The following CSMD1 variants were observed in gnomAD, a reference collection of about 807,000 sequenced individuals.
The protein encoded by CSMD1 is CUB and sushi domain-containing protein 1.
In CSMD1, 213 loss-of-function variants were observed where a neutral mutation model predicts 417.5. The ratio of observed to expected loss-of-function variants is 0.51; its 90% CI spans 0.46 to 0.57. The LOEUF (loss-of-function observed/expected upper bound fraction) is 0.57. CSMD1 is among the 20% of genes least tolerant of loss of function. CSMD1 has a pLI of 0.00. For synonymous variants in CSMD1, 2,862 were observed against 1,736.8 expected, an observed-to-expected ratio of 1.65 and a Z score of -16.11; for missense variants, 6,923 against 4,529.7, an observed-to-expected ratio of 1.53 and a Z score of -15.17.
At chr8:4,755,901 A>G (rs562624019) in intron 1 of CSMD1, among the ~76,000 whole-genome samples, 2 of 152,304 alleles carry the variant, frequency 1.3e-5, no homozygotes, top group Non-Finnish European at 2.9e-5. Context: ...CTCGGCCTTC[A>G]GTTTTTTCCT....
intron 2 of CSMD1, among the ~76,000 whole-genome samples, chr8:4,420,739 G>A (rs1268725633): frequency 6.6e-6 from 1 of 152,116 alleles, no homozygotes; most frequent in Non-Finnish European, 1.5e-5. Context: ...GAGCCGTCTA[G>A]AGGGCAAACC....
chr8:4,451,077 G>C (rs1799114514), intron 2 of CSMD1, among the ~76,000 whole-genome samples: 1 of 152,146 alleles, frequency 6.6e-6, no homozygotes, highest in Non-Finnish European at 1.5e-5. Flanking sequence ...AGTCAGTCAA[G>C]CACTTTGGGA....
chr8:4,663,655 T>C (rs1585413472), intron 1 of CSMD1, among the ~76,000 whole-genome samples: 2 of 152,084 alleles, frequency 1.3e-5, no homozygotes, highest in Non-Finnish European at 2.9e-5. Flanking sequence ...TGTTTTAAGT[T>C]CCCTGAGACC....
chr8:4,684,685 CA>C (rs1806260796), intron 1 of CSMD1, among the ~76,000 whole-genome samples: 1 of 152,140 alleles, frequency 6.6e-6, no homozygotes, highest in African/African-American at 2.4e-5. Flanking sequence ...TGTGAAACAT[CA>C]TACATACGCT....
intron 3 of CSMD1, among the ~76,000 whole-genome samples, chr8:4,118,273 T>G (rs561053748): frequency 6.6e-6 from 1 of 152,186 alleles, no homozygotes; most frequent in African/African-American, 2.4e-5. Context: ...CCTTAAGAAA[T>G]GCTCACATGT....
At chr8:4,038,507 T>C (rs748997567) in intron 3 of CSMD1, among the ~76,000 whole-genome samples, 2 of 152,184 alleles carry the variant, frequency 1.3e-5, no homozygotes, top group Non-Finnish European at 2.9e-5. Context: ...CAACCCAATG[T>C]CATTTCTGCC....
At chr8:3,047,833 T>G (rs1292737007) in intron 50 of CSMD1, among the ~76,000 whole-genome samples, 1 of 152,222 alleles carries the variant, frequency 6.6e-6, no homozygotes, top group East Asian at 1.9e-4. Context: ...GTGTGTCTAA[T>G]TCCTCAACCC....
intron 7 of CSMD1, among the ~76,000 whole-genome samples, chr8:3,655,476 G>T (rs1167928824): frequency 6.6e-6 from 1 of 152,068 alleles, no homozygotes; most frequent in East Asian, 1.9e-4. Flanking sequence ...ACAAACAATA[G>T]TATCAGAAAT....
intron 5 of CSMD1, among the ~76,000 whole-genome samples, chr8:3,892,933 C>A (rs1807083984): frequency 6.7e-6 from 1 of 149,600 alleles, no homozygotes; most frequent in Admixed American, 6.8e-5. Context: ...GTGAAATTAA[C>A]TTGAAGGAAG....
At chr8:4,657,816 G>C (rs550872806) in intron 1 of CSMD1, among the ~76,000 whole-genome samples, 1 of 150,958 alleles carries the variant, frequency 6.6e-6, no homozygotes, top group African/African-American at 2.4e-5. Flanking sequence ...AATAGCTAAA[G>C]GAAACCATAG....
chr8:4,433,200 A>G (rs1210798165), intron 2 of CSMD1, among the ~76,000 whole-genome samples: 1 of 152,152 alleles, frequency 6.6e-6, no homozygotes, highest in East Asian at 1.9e-4. Flanking sequence ...TTCGTTGTGT[A>G]TTACAATATA....
chr8:3,141,244 T>A (rs1362795252), intron 41 of CSMD1, among the ~76,000 whole-genome samples: 1 of 152,156 alleles, frequency 6.6e-6, no homozygotes, highest in East Asian at 1.9e-4. Context: ...CCCCTGTGCG[T>A]CTGTGAAACC....
At chr8:3,364,622 C>G in intron 20 of CSMD1, among the ~76,000 whole-genome samples, 1 of 152,040 alleles carries the variant, frequency 6.6e-6, no homozygotes, top group Non-Finnish European at 1.5e-5. Flanking sequence ...CATGAGGGAC[C>G]CACCCTCATT....
intron 3 of CSMD1, among the ~76,000 whole-genome samples, chr8:4,409,325 A>G (rs1796516869): frequency 6.6e-6 from 1 of 152,190 alleles, no homozygotes; most frequent in Non-Finnish European, 1.5e-5. Flanking sequence ...CTCTTAATCC[A>G]AATCTATGTC....
At chr8:4,030,222 G>T (rs180772757) in intron 4 of CSMD1, among the ~76,000 whole-genome samples, 3 of 152,096 alleles carry the variant, frequency 2.0e-5, no homozygotes, top group African/African-American at 7.2e-5. Context: ...CCCCAGTAGG[G>T]ACTCTGTGGG....
At chr8:3,665,902 G>A (rs1324208616) in intron 7 of CSMD1, among the ~76,000 whole-genome samples, 2 of 152,016 alleles carry the variant, frequency 1.3e-5, no homozygotes, top group East Asian at 1.9e-4. Context: ...TTTTGAGATG[G>A]AGTCGCACTC....
At chr8:3,271,672 G>C (rs1338959857) in intron 26 of CSMD1, among the ~76,000 whole-genome samples, 1 of 152,196 alleles carries the variant, frequency 6.6e-6, no homozygotes, top group Non-Finnish European at 1.5e-5. Flanking sequence ...GCATTTCTCT[G>C]ATAGCCAGTG....
At chr8:3,542,056 T>G (rs17066354) in intron 10 of CSMD1, among the ~76,000 whole-genome samples, 8,698 of 152,236 alleles carry the variant, frequency 0.057, 281 homozygotes, top group East Asian at 0.14. Context: ...TACTTCCACC[T>G]ATGTGCACCC....
At chr8:4,772,823 C>T (rs1254764696) in intron 1 of CSMD1, among the ~76,000 whole-genome samples, 1 of 152,088 alleles carries the variant, frequency 6.6e-6, no homozygotes, top group Non-Finnish European at 1.5e-5. Flanking sequence ...CTAACATTTC[C>T]TAAGTTTGAT....
Sources: allele counts gnomAD v4.1 joint callset (sites outside exome capture counted in the v4.1 genomes callset), GRCh38; gene constraint gnomAD v4.1.1; transcripts MANE v1.5; gene names NCBI Gene and HGNC (gene_info 2026-07-23, HGNC 2026-07-21).